The following FRMD5 variants were observed in gnomAD, a reference collection of about 807,000 sequenced individuals.
FRMD5 encodes the protein FERM domain-containing protein 5.
Under a neutral mutation model 69.0 loss-of-function variants are expected in FRMD5, and 20 were observed. The ratio of observed to expected loss-of-function variants is 0.29; its 90% CI spans 0.20 to 0.42. The LOEUF (loss-of-function observed/expected upper bound fraction) is 0.42. FRMD5 is among the 10% of genes least tolerant of loss of function. The pLI is 1.00. For missense variants in FRMD5, 595 were observed against 708.6 expected (o/e 0.84, Z 1.82); for synonymous variants, 271 against 260.1 (o/e 1.04, Z -0.40).
chr15:43,877,158 G>C (rs2088385471), intron 13 of FRMD5, among the ~76,000 whole-genome samples: 1 of 152,184 alleles, frequency 6.6e-6, no homozygotes, highest in African/African-American at 2.4e-5. Context: ...TGATGCTGGT[G>C]TGGTTCTCTC....
intron 1 of FRMD5, among the ~76,000 whole-genome samples, chr15:44,114,145 T>C (rs990436012): frequency 2.0e-5 from 3 of 152,100 alleles, no homozygotes; most frequent in African/African-American, 4.8e-5. Flanking sequence ...GAAATTCATA[T>C]AAAGAATGTA....
In FRMD5 at chr15:44,161,025, G is replaced by A. The variant is rs534596004; in HGVS notation, c.102+33928C>T. ...AATAGCACCCTCGTGGCACAAAAGA[G>A]TAAATACATCTCCAATAAGTGAACC... is the stretch of plus-strand genomic sequence containing the variant. On this transcript the variant is annotated intron_variant, in intron 1 of 13. Transcript: ENST00000417257. Among the ~76,000 whole-genome samples the A allele has an allele frequency of 3.3e-5, 5 of 152,282 alleles. No homozygotes were observed. In the South Asian group the frequency reaches 1.0e-3, roughly 32 times the overall value.
rs561813187 is a variant in FRMD5, at chr15:44,052,766, T to C, written c.103-128457A>G. On this transcript the variant is annotated intron_variant, in intron 1 of 13. Coordinates refer to ENST00000417257, the MANE Select transcript of FRMD5 (RefSeq NM_032892.5). ...CAGTGGTATACTTCTCTGTCCCTTATAGAATCATAGAATGTTAGAGCCAGA... is the reference window on the plus strand; with the variant it reads ...CAGTGGTATACTTCTCTGTCCCTTACAGAATCATAGAATGTTAGAGCCAGA... Among the ~76,000 whole-genome samples, 3 of 152,308 alleles carry C rather than the reference T, an allele frequency of 2.0e-5. No individual in the cohort carries two copies. The South Asian group carries it at 6.2e-4, about 32-fold the overall frequency.
At chr15:44,022,584 GAAAAAAAA>G (rs5812262) in intron 1 of FRMD5, among the ~76,000 whole-genome samples, 1 of 73,168 alleles carries the variant, frequency 1.4e-5, no homozygotes, top group Admixed American at 2.1e-4. Flanking sequence ...CACTCCACCA[GAAAAAAAA>G]AAAAAAAAAA....
chr15:43,884,946 C>G (rs2088627415), intron 11 of FRMD5, 151 bp from the exon 12 acceptor site: 7 of 633,984 alleles, frequency 1.1e-5, no homozygotes, highest in Non-Finnish European at 1.7e-5. Context: ...GAAAGGCTTG[C>G]TTGGTGGGGT....
intron 1 of FRMD5, among the ~76,000 whole-genome samples, chr15:44,026,945 C>T (rs1228742270): frequency 6.6e-6 from 1 of 152,206 alleles, no homozygotes; most frequent in East Asian, 1.9e-4. Flanking sequence ...CAGGTGTATT[C>T]ACCACTAAAT....
chr15:43,909,276 C>T (rs1331486257), intron 5 of FRMD5, among the ~76,000 whole-genome samples: 10 of 151,380 alleles, frequency 6.6e-5, no homozygotes, highest in African/African-American at 1.9e-4. Context: ...GGTGGGCGCC[C>T]GCAGTCCCAG....
At chr15:44,058,886 T>A (rs1226202394) in intron 1 of FRMD5, among the ~76,000 whole-genome samples, 1 of 152,152 alleles carries the variant, frequency 6.6e-6, no homozygotes, top group Non-Finnish European at 1.5e-5. Context: ...AATAGGCATT[T>A]TTCTGTAAGA....
At chr15:43,995,083 C>T (rs186666501) in intron 1 of FRMD5, among the ~76,000 whole-genome samples, 121 of 152,212 alleles carry the variant, frequency 7.9e-4, no homozygotes, top group African/African-American at 2.7e-3. Context: ...TTCCAGGACC[C>T]TTTGAGAATA....
intron 1 of FRMD5, among the ~76,000 whole-genome samples, chr15:44,056,595 TAAAG>T (rs1014785807): frequency 6.6e-6 from 1 of 152,172 alleles, no homozygotes; most frequent in Admixed American, 6.6e-5. Flanking sequence ...TTCAATAGTC[TAAAG>T]AGTGTCAGCC....
Position 43,873,780 on chromosome 15 carries a change from G to A in FRMD5, c.*105C>T. On this transcript the variant is annotated 3_prime_UTR_variant, in exon 14 of 14. Coordinates refer to ENST00000417257, the MANE Select transcript of FRMD5 (RefSeq NM_032892.5). ...AGTGGACTTTGAGTCATGAGAGGAG[G>A]ACTTGGTATATGTGCCGATGGTTCC... 1 of 1,539,590 alleles carries A rather than the reference G, an allele frequency of 6.5e-7. No homozygotes were observed. Among genetic ancestry groups the A allele is most frequent in the South Asian group, 1.2e-5 (1 of 83,098 alleles).
At chr15:43,887,846 G>A (rs753677648) in intron 10 of FRMD5, among the ~76,000 whole-genome samples, 21 of 152,144 alleles carry the variant, frequency 1.4e-4, no homozygotes, top group African/African-American at 4.8e-4. Flanking sequence ...AAATCATTAC[G>A]GTATATTTTT....
At chr15:43,999,967 T>TGTG (rs758750918) in intron 1 of FRMD5, among the ~76,000 whole-genome samples, 1 of 42,024 alleles carries the variant, frequency 2.4e-5, no homozygotes, top group Non-Finnish European at 5.4e-5. Flanking sequence ...TATATATATA[T>TGTG]ATATATATAT....
chr15:44,069,011 T>C (rs1226400612), intron 1 of FRMD5, among the ~76,000 whole-genome samples: 3 of 151,946 alleles, frequency 2.0e-5, no homozygotes, highest in Admixed American at 1.3e-4. Flanking sequence ...AATTAGAAAA[T>C]AGGCAAAAGA....
At chr15:43,914,274 C>T (rs2140428288) in intron 4 of FRMD5, among the ~76,000 whole-genome samples, 1 of 152,218 alleles carries the variant, frequency 6.6e-6, no homozygotes, top group South Asian at 2.1e-4. Flanking sequence ...TCCAGAAGAT[C>T]CTTTGGCCTT....
chr15:44,131,296 A>G (rs1441486891), intron 1 of FRMD5, among the ~76,000 whole-genome samples: 1 of 152,354 alleles, frequency 6.6e-6, no homozygotes, highest in African/African-American at 2.4e-5. Flanking sequence ...AAAACAAAAA[A>G]TAACAAGTGT....
At chr15:44,043,315 G>C (rs879948402) in intron 1 of FRMD5, among the ~76,000 whole-genome samples, 1 of 152,154 alleles carries the variant, frequency 6.6e-6, no homozygotes, top group Non-Finnish European at 1.5e-5. Flanking sequence ...CTCATGGATA[G>C]GAAGAATCAG....
intron 13 of FRMD5, among the ~76,000 whole-genome samples, chr15:43,878,374 T>C (rs2088423346): frequency 6.6e-6 from 1 of 152,224 alleles, no homozygotes; most frequent in Non-Finnish European, 1.5e-5. Context: ...AATGGAACCA[T>C]GGGCCAGGAC....
At chr15:43,983,783 C>T (rs909595143) in intron 1 of FRMD5, among the ~76,000 whole-genome samples, 1 of 152,172 alleles carries the variant, frequency 6.6e-6, no homozygotes, top group African/African-American at 2.4e-5. Flanking sequence ...TCCCCCCATC[C>T]ACCGTCTCCA....
Sources: gnomAD v4.1 joint callset for allele counts (sites outside exome capture counted in the v4.1 genomes callset) on GRCh38, gnomAD v4.1.1 for gene constraint, MANE v1.5 for transcripts, NCBI Gene and HGNC (gene_info 2026-07-23, HGNC 2026-07-21) for gene names.